The following ITGAE variants were observed in gnomAD, a reference collection of about 807,000 sequenced individuals.
The protein encoded by ITGAE is integrin subunit alpha E.
A neutral mutation model predicts 136.5 loss-of-function variants in ITGAE; 99 were observed. The observed-to-expected ratio is 0.73, with a 90% CI of 0.62 to 0.86. The LOEUF (loss-of-function observed/expected upper bound fraction) is 0.86. ITGAE is among the 40% of genes least tolerant of loss of function. The pLI, the probability that ITGAE is intolerant of heterozygous loss-of-function variation, is 0.00. For synonymous variants in ITGAE, 613 were observed against 591.8 expected (o/e 1.04, Z -0.52); for missense variants, 1,447 against 1,515.3 (o/e 0.95, Z 0.75).
At chr17:3,796,147 CCGTG>C (rs2053091469) in intron 1 of ITGAE, among the ~76,000 whole-genome samples, 1 of 48,690 alleles carries the variant, frequency 2.1e-5, no homozygotes, top group Non-Finnish European at 4.4e-5. Context: ...GTGTGTGCAT[CCGTG>C]TGTGTGTGTG....
intron 20 of ITGAE, among the ~76,000 whole-genome samples, chr17:3,736,242 G>T (rs2051457579): frequency 6.6e-6 from 1 of 152,214 alleles, no homozygotes; most frequent in South Asian, 2.1e-4. Flanking sequence ...CCGGGAGGCA[G>T]AGGTTGCAGT....
chr17:3,792,178 G>A (rs1220202547), intron 1 of ITGAE, among the ~76,000 whole-genome samples: 2 of 152,186 alleles, frequency 1.3e-5, no homozygotes, highest in Non-Finnish European at 2.9e-5. Flanking sequence ...CTGGAGGGCA[G>A]TGGCGCGATC....
intron 21 of ITGAE, among the ~76,000 whole-genome samples, 197 bp from the exon 22 acceptor site, chr17:3,732,663 G>A (rs754212795): frequency 1.3e-5 from 2 of 152,170 alleles, no homozygotes; most frequent in Non-Finnish European, 1.5e-5. Flanking sequence ...GTAGATCCCC[G>A]AGGAATTTAA....
At chr17:3,778,363 G>A (rs569111122) in intron 1 of ITGAE, among the ~76,000 whole-genome samples, 1 of 152,132 alleles carries the variant, frequency 6.6e-6, no homozygotes, top group African/African-American at 2.4e-5. Context: ...AGGAGTTCGA[G>A]ACCAGCCTGG....
At chr17:3,759,678 C>G in intron 7 of ITGAE, 125 bp from the exon 8 acceptor site, 1 of 1,197,616 alleles carries the variant, frequency 8.3e-7, no homozygotes, top group Non-Finnish European at 1.2e-6. Flanking sequence ...GAAAGAGATG[C>G]TAAGGCAGAG....
chr17:3,775,549 T>G (rs2052519303), intron 2 of ITGAE, among the ~76,000 whole-genome samples: 2 of 151,846 alleles, frequency 1.3e-5, no homozygotes, highest in South Asian at 4.2e-4. Flanking sequence ...AGCCTCCACC[T>G]CCTGGGTTCA....
At position 3,761,156 on chromosome 17, in the gene ITGAE, G is replaced by C; in HGVS notation, c.455C>G (p.Ala152Gly). The change falls in exon 6 of 31, where the codon GCA becomes GGA. Residue 152 changes from alanine to glycine, a missense_variant. By Grantham distance (60) the Ala-to-Gly change is moderately conservative. Coordinates refer to ENST00000263087, the MANE Select transcript of ITGAE (RefSeq NM_002208.5). ...GTAGCAGTCTCCAGTGTCCACACGTGCATCTGGATCCAGGAGATTTTCTTT... is the reference window on the plus strand; with the variant it reads ...GTAGCAGTCTCCAGTGTCCACACGTCCATCTGGATCCAGGAGATTTTCTTT... ...FDLENLLDPDARVDTGDCYSN... is the reference protein window; with the variant it reads ...FDLENLLDPDGRVDTGDCYSN... 6.2e-7 allele frequency: 1 copy of C among 1,610,394 alleles called. No individual in the cohort carries two copies. The highest frequency in any genetic ancestry group is 1.1e-5 in the South Asian group (1 of 91,012).
chr17:3,790,458 G>C (rs965484621), intron 1 of ITGAE, among the ~76,000 whole-genome samples: 2 of 151,910 alleles, frequency 1.3e-5, no homozygotes, highest in Non-Finnish European at 2.9e-5. Flanking sequence ...AGTGAGCCGA[G>C]ATCGCACCAC....
chr17:3,769,474 C>T (rs2052371182), intron 2 of ITGAE, among the ~76,000 whole-genome samples: 2 of 152,196 alleles, frequency 1.3e-5, no homozygotes, highest in South Asian at 4.1e-4. Context: ...GCCCTCTGAG[C>T]TGCCTCTGCT....
intron 1 of ITGAE, 58 bp from the exon 2 acceptor site, chr17:3,777,718 A>G: frequency 6.4e-7 from 1 of 1,550,504 alleles, no homozygotes. Context: ...TTATTCCAGC[A>G]AATCCTGTGG....
In ITGAE at chr17:3,724,650, G is replaced by C. The variant is rs767322245; in HGVS notation, c.3085-906C>G. On this transcript the variant is annotated intron_variant, in intron 26 of 30. Coordinates refer to ENST00000263087, the MANE Select transcript of ITGAE (RefSeq NM_002208.5). ...CACCAGGATGGTCCACCAAACCCGC[G>C]CCAGCCTCAGGTCAGTTCTCTTTGG... The C allele has an allele frequency of 2.5e-6, 4 of 1,614,210 alleles. No individual in the cohort carries two copies. The South Asian group carries it at 4.4e-5, about 18-fold the overall frequency.
intron 28 of ITGAE, chr17:3,721,678 A>G (rs1225514727): frequency 6.6e-6 from 1 of 152,164 alleles, no homozygotes; most frequent in Non-Finnish European, 1.5e-5. Flanking sequence ...GGATCACTGT[A>G]AAACATTAAA....
In ITGAE at chr17:3,784,829, A is replaced by C. The variant is rs962143005; in HGVS notation, c.35-7169T>G. Among the ~76,000 whole-genome samples the C allele has an allele frequency of 2.0e-5, 3 of 152,242 alleles. No homozygotes were observed. The East Asian group carries it at 5.8e-4, about 29-fold the overall frequency. ...CTCTGACTATACTAGAATCTAAACC[A>C]ATAACAAAAAGAAAACTAGAGGTCC... On this transcript the variant is annotated intron_variant, in intron 1 of 30. Transcript: ENST00000263087.
chr17:3,782,393 G>GT (rs987280453), intron 1 of ITGAE, among the ~76,000 whole-genome samples: 4 of 142,294 alleles, frequency 2.8e-5, no homozygotes, highest in African/African-American at 7.8e-5. Context: ...TTGAGATGGA[G>GT]TTTCGCTCTT....
In ITGAE at chr17:3,774,028, G is replaced by C. The variant is rs925331638; in HGVS notation, c.155+3512C>G. On this transcript the variant is annotated intron_variant, in intron 2 of 30. Transcript: ENST00000263087. The stretch of plus-strand genomic sequence containing the variant: ...AAATATACATTTCACAGTATCACAG[G>C]ATCCAAGTCTGCCTGGCTGTCAGGG... Among the ~76,000 whole-genome samples, 11 of 151,998 alleles carry C rather than the reference G, an allele frequency of 7.2e-5. No individual in the cohort carries two copies. In the South Asian group the frequency reaches 8.3e-4, roughly 11 times the overall value.
In ITGAE at chr17:3,796,169, C is replaced by G. The variant is rs1179958566; in HGVS notation, c.34+4942G>C. Among the ~76,000 whole-genome samples, 28 of 19,852 alleles carry G rather than the reference C, an allele frequency of 1.4e-3. 1 individual carries two copies. The highest frequency in any genetic ancestry group is 1.0e-3 in the African/African-American group (4 of 3,822). The allele number at this position is 19,852 out of a possible 152,430, so 13.0% of individuals were successfully genotyped here. A position where few individuals can be genotyped will look rare whatever the true frequency, so the allele number is the denominator to read the frequency against. On this transcript the variant is annotated intron_variant, in intron 1 of 30. Coordinates refer to ENST00000263087, the MANE Select transcript of ITGAE (RefSeq NM_002208.5). ...CATCCGTGTGTGTGTGTGTGTGCAT[C>G]CGTGTGTGTGTGTGTGTGTGTGTGG...
intron 1 of ITGAE, among the ~76,000 whole-genome samples, chr17:3,788,330 C>T (rs971616861): frequency 1.8e-4 from 28 of 151,736 alleles, no homozygotes; most frequent in Non-Finnish European, 3.8e-4. Flanking sequence ...CACTCTTTTG[C>T]CCAGCCTGGA....
intron 21 of ITGAE, 102 bp from the exon 22 acceptor site, chr17:3,732,568 C>T (rs1009962986): frequency 1.1e-6 from 1 of 932,494 alleles, no homozygotes. Flanking sequence ...AATTTTTCTG[C>T]CTGTCAGACA....
At chr17:3,723,882 G>C (rs1432592293) in intron 26 of ITGAE, 138 bp from the exon 27 acceptor site, 4 of 1,522,106 alleles carry the variant, frequency 2.6e-6, no homozygotes, top group Non-Finnish European at 3.5e-6. Flanking sequence ...GCGCGTCCGC[G>C]TCGCACGGAA....
Sources: allele counts gnomAD v4.1 joint callset (sites outside exome capture counted in the v4.1 genomes callset), GRCh38; gene constraint gnomAD v4.1.1; transcripts MANE v1.5; gene names NCBI Gene and HGNC (gene_info 2026-07-23, HGNC 2026-07-21).